Variants in STAB2 observed in about 807,000 individuals in gnomAD.
STAB2 encodes stabilin-2.
In STAB2, 288 loss-of-function variants were observed where a neutral mutation model predicts 338.1. The observed-to-expected ratio is 0.85, with a 90% CI of 0.77 to 0.94. The LOEUF (loss-of-function observed/expected upper bound fraction) is 0.94. STAB2 is among the 40% of genes least tolerant of loss of function. The pLI, the probability that STAB2 is intolerant of heterozygous loss-of-function variation, is 0.00. For missense variants in STAB2, 3,141 were observed against 3,210.1 expected, an observed-to-expected ratio of 0.98 and a Z score of 0.52; for synonymous variants, 1,202 against 1,193.3, an observed-to-expected ratio of 1.01 and a Z score of -0.15.
chr12:103,747,208 A>G (rs1240814013), intron 58 of STAB2, among the ~76,000 whole-genome samples: 2 of 151,942 alleles, frequency 1.3e-5, no homozygotes, highest in Non-Finnish European at 2.9e-5. Context: ...TTTAAGTTAA[A>G]CCTAAACATA....
chr12:103,724,205 C>T (rs1315119907), intron 44 of STAB2, among the ~76,000 whole-genome samples: 1 of 152,118 alleles, frequency 6.6e-6, no homozygotes, highest in Non-Finnish European at 1.5e-5. Flanking sequence ...CCCAGCACAG[C>T]CAGGACATTG....
At chr12:103,621,727 C>T (rs1957305601) in intron 4 of STAB2, among the ~76,000 whole-genome samples, 1 of 152,258 alleles carries the variant, frequency 6.6e-6, no homozygotes, top group Admixed American at 6.5e-5. Flanking sequence ...AGTCTCAAAA[C>T]AAAAATGCAA....
intron 42 of STAB2, 69 bp downstream of exon 42, chr12:103,713,837 G>A (rs1880082286): frequency 1.5e-5 from 23 of 1,585,216 alleles, no homozygotes; most frequent in Middle Eastern, 1.9e-4. Flanking sequence ...TGATTCCAAC[G>A]TGTGTGCCCT....
At chr12:103,597,909 G>T (rs533859333) in intron 3 of STAB2, among the ~76,000 whole-genome samples, 1 of 152,056 alleles carries the variant, frequency 6.6e-6, no homozygotes, top group African/African-American at 2.4e-5. Flanking sequence ...ATTTCAAAAA[G>T]AAATAGTCTT....
chr12:103,622,477 C>T lies in STAB2; in HGVS notation c.487+366C>T, dbSNP rs184313342. Among the ~76,000 whole-genome samples the T allele has an allele frequency of 1.9e-4, 29 of 152,324 alleles. No homozygotes were observed. The East Asian group carries it at 5.6e-3, about 29-fold the overall frequency. The stretch of plus-strand genomic sequence containing the variant: ...CAGTATATGAATGATCCAAGTATGG[C>T]TGCTGGGATTGGCCAAAACTCAGCT... On this transcript the variant is annotated intron_variant, in intron 5 of 68. Transcript: ENST00000388887.
chr12:103,736,584 G>C (rs950815841), intron 52 of STAB2, among the ~76,000 whole-genome samples: 1 of 151,936 alleles, frequency 6.6e-6, no homozygotes, highest in Non-Finnish European at 1.5e-5. Context: ...AATGCCCTCT[G>C]CTTGTTCTGT....
At position 103,740,676 on chromosome 12, in the gene STAB2, T is replaced by C; in HGVS notation, c.5801T>C (p.Leu1934Pro). 6.2e-7 allele frequency: 1 copy of C among 1,611,976 alleles called. No homozygotes were observed. The highest frequency in any genetic ancestry group is 1.3e-5 in the African/African-American group (1 of 74,918). Residue 1934 changes from leucine to proline, a missense_variant, in exon 55 of 69, where the codon CTG becomes CCG. By Grantham distance (98) the Leu-to-Pro change is moderately conservative (BLOSUM62 -3). Transcript: ENST00000388887. ...CLYNLPFKRN[L>P]EGCRERCSLV... ...TACAACCTGCCCTTCAAGAGGAACC[T>C]GGAAGGCTGCCGGGAGCGGTGCAGC... is the stretch of plus-strand genomic sequence containing the variant.
chr12:103,713,590 T>A, intron 41 of STAB2, 53 bp from the exon 42 acceptor site: 1 of 1,603,112 alleles, frequency 6.2e-7, no homozygotes. Context: ...GAAAAATACA[T>A]CAATGGCTTT....
In STAB2 at chr12:103,733,047, C is replaced by A. The variant is rs765228790; in HGVS notation, c.5325C>A (p.Thr1775=). 1.3e-4 allele frequency: 205 copies of A among 1,613,982 alleles called. No individual in the cohort carries two copies. Among genetic ancestry groups the A allele is most frequent in the Non-Finnish European group, 1.7e-4 (203 of 1,180,006 alleles). ...LLSVITDPIH[T]PVTLFWPTDQ... ...GTGTCATCACCGATCCCATCCACACCCCAGTCACTCTCTTCTGGCCCACCG... is the reference window on the plus strand; with the variant it reads ...GTGTCATCACCGATCCCATCCACACACCAGTCACTCTCTTCTGGCCCACCG... The change falls in exon 51 of 69, where the codon ACC becomes ACA. Residue 1775 remains threonine (T), a synonymous_variant. Coordinates refer to ENST00000388887, the MANE Select transcript of STAB2 (RefSeq NM_017564.10).
chr12:103,628,703 G>C (rs1365861999), intron 5 of STAB2, among the ~76,000 whole-genome samples: 2 of 152,016 alleles, frequency 1.3e-5, no homozygotes, highest in African/African-American at 2.4e-5. Flanking sequence ...CCCTTCTTAT[G>C]AGGACACCAG....
chr12:103,673,801 T>C (rs1876062750), intron 22 of STAB2, 106 bp from the exon 23 acceptor site: 3 of 1,206,830 alleles, frequency 2.5e-6, no homozygotes, highest in Non-Finnish European at 3.4e-6. Flanking sequence ...TTGACAAGAG[T>C]GAGTGGGGGG....
chr12:103,644,218 A>T lies in STAB2; in HGVS notation c.1040+3962A>T, dbSNP rs1432083025. On this transcript the variant is annotated intron_variant, in intron 9 of 68. Coordinates refer to ENST00000388887, the MANE Select transcript of STAB2 (RefSeq NM_017564.10). ...ATTCTTCTGCCTTGTGATCCTGTTG[A>T]TCGGTGACCCTACCCCCAACCCTGT... 2.1e-4 allele frequency among the ~76,000 whole-genome samples: 31 copies of T among 144,340 alleles called. No individual in the cohort carries two copies. In the East Asian group the frequency reaches 5.6e-3, roughly 26 times the overall value. The allele number at this position is 144,340 out of a possible 152,430, so 94.7% of individuals were successfully genotyped here.
chr12:103,740,051 G>A (rs1440917091), intron 54 of STAB2, among the ~76,000 whole-genome samples: 1 of 152,124 alleles, frequency 6.6e-6, no homozygotes, highest in Non-Finnish European at 1.5e-5. Context: ...TGACCTATCA[G>A]GTTTGCCTCT....
intron 19 of STAB2, among the ~76,000 whole-genome samples, chr12:103,666,639 T>C (rs1385865325): frequency 6.6e-6 from 1 of 152,206 alleles, no homozygotes; most frequent in Admixed American, 6.5e-5. Flanking sequence ...AAGCACAATA[T>C]CTAAATCAAG....
intron 5 of STAB2, among the ~76,000 whole-genome samples, chr12:103,628,720 T>G (rs909314229): frequency 9.2e-5 from 14 of 151,938 alleles, no homozygotes; most frequent in African/African-American, 3.2e-4. Context: ...CCAGTCAAAT[T>G]GAATTATGGG....
rs1593342513 is a variant in STAB2 at position 103,754,605 on chromosome 12, A to T, written c.6715-697A>T. ...AATGGTGGTGGTGATGATGGGGAGG[A>T]TGACAATAATTATAATAACGATGAG... On this transcript the variant is annotated intron_variant, in intron 61 of 68. Coordinates refer to ENST00000388887, the MANE Select transcript of STAB2 (RefSeq NM_017564.10). 2.0e-5 allele frequency among the ~76,000 whole-genome samples: 3 copies of T among 152,142 alleles called. No individual in the cohort carries two copies. In the South Asian group the frequency reaches 6.2e-4, roughly 32 times the overall value.
intron 4 of STAB2, 91 bp from the exon 5 acceptor site, chr12:103,621,951 G>A (rs1036982514): frequency 1.1e-5 from 14 of 1,274,448 alleles, no homozygotes; most frequent in Non-Finnish European, 1.6e-5. Flanking sequence ...AAATATATTT[G>A]AAAAACAAAT....
At chr12:103,735,445 T>C (rs1372885489) in intron 51 of STAB2, 46 bp from the exon 52 acceptor site, 1 of 1,470,268 alleles carries the variant, frequency 6.8e-7, no homozygotes, top group Admixed American at 2.3e-5. Flanking sequence ...CCGTCCCTTC[T>C]TCGGCCCAAA....
At chr12:103,623,037 C>T (rs1593152983) in intron 5 of STAB2, among the ~76,000 whole-genome samples, 1 of 152,164 alleles carries the variant, frequency 6.6e-6, no homozygotes, top group East Asian at 1.9e-4. Flanking sequence ...TTTGGCTGCC[C>T]CCAGAAGTAG....
Sources: allele counts gnomAD v4.1 joint callset (sites outside exome capture counted in the v4.1 genomes callset), GRCh38; gene constraint gnomAD v4.1.1; transcripts MANE v1.5; gene names NCBI Gene and HGNC (gene_info 2026-07-23, HGNC 2026-07-21).